Variants in TRMT11 observed in about 807,000 individuals in gnomAD.
TRMT11 encodes tRNA methyltransferase 11.
In TRMT11, 53 loss-of-function variants were observed where a neutral mutation model predicts 62.8. The observed-to-expected ratio is 0.84, with a 90% CI of 0.68 to 1.06. The LOEUF is 1.06. Among genes scored for constraint, TRMT11 ranks in the 50% least tolerant of loss-of-function variants. The pLI, the probability that TRMT11 is intolerant of heterozygous loss-of-function variation, is 0.00. For synonymous variants in TRMT11, 188 were observed against 190.3 expected, an observed-to-expected ratio of 0.99 and a Z score of 0.10; for missense variants, 556 against 553.4, an observed-to-expected ratio of 1.00 and a Z score of -0.05.
At chr6:126,033,275 G>A (rs1774548171) in intron 12 of TRMT11, among the ~76,000 whole-genome samples, 2 of 152,034 alleles carry the variant, frequency 1.3e-5, no homozygotes, top group South Asian at 4.2e-4. Flanking sequence ...ATAATCCAGA[G>A]GGTCATGAGT....
intron 21 of TRMT11, among the ~76,000 whole-genome samples, chr6:126,148,621 A>G (rs1055403064): frequency 7.2e-5 from 11 of 152,298 alleles, no homozygotes; most frequent in South Asian, 2.1e-4. Flanking sequence ...AGTAAAACTA[A>G]TAATAGTATT....
the TRMT11 span, among the ~76,000 whole-genome samples, chr6:126,261,105 T>C: frequency 6.6e-6 from 1 of 152,206 alleles, no homozygotes; most frequent in Non-Finnish European, 1.5e-5. Flanking sequence ...CCCCATAGGC[T>C]TTTTAAATTC....
Position 126,099,687 on chromosome 6 carries a change from C to T in TRMT11, c.*1438-13179C>T, listed in dbSNP as rs556653056. 4.6e-5 allele frequency among the ~76,000 whole-genome samples: 7 copies of T among 152,290 alleles called. No individual in the cohort carries two copies. The East Asian group carries it at 5.8e-4, about 13-fold the overall frequency. The stretch of plus-strand genomic sequence containing the variant: ...ACTTGTACAGGGGAGGCGGAAGTTG[C>T]GGTGAGCTGAGATCGTGCCACTGCA... On this transcript the variant is annotated intron_variant and NMD_transcript_variant, in intron 17 of 22. Coordinates refer to the TRMT11 transcript ENST00000648977.
At chr6:126,087,111 C>T (rs1230100993) in intron 17 of TRMT11, among the ~76,000 whole-genome samples, 1 of 152,168 alleles carries the variant, frequency 6.6e-6, no homozygotes, top group Non-Finnish European at 1.5e-5. Context: ...AGTTCACAAA[C>T]GTGGTCAAAT....
intron 17 of TRMT11, among the ~76,000 whole-genome samples, chr6:126,058,202 G>A (rs1776425829): frequency 1.3e-5 from 2 of 152,074 alleles, no homozygotes; most frequent in African/African-American, 4.8e-5. Flanking sequence ...GAGAACATGC[G>A]GTGTTTGGTT....
chr6:126,265,455 C>G, the TRMT11 span, among the ~76,000 whole-genome samples: 25 of 151,988 alleles, frequency 1.6e-4, no homozygotes, highest in African/African-American at 5.6e-4. Context: ...TTTAATTATT[C>G]AGTTTTCATT....
the TRMT11 span, among the ~76,000 whole-genome samples, chr6:126,232,066 C>G: frequency 1.2e-4 from 19 of 152,062 alleles, no homozygotes; most frequent in African/African-American, 4.6e-4. Context: ...TCTGGTGGGA[C>G]CCATACTGCT....
At chr6:126,265,917 T>C in the TRMT11 span, among the ~76,000 whole-genome samples, 1 of 152,220 alleles carries the variant, frequency 6.6e-6, no homozygotes. Context: ...CTATAATTTA[T>C]TGGCGTTGTC....
intron 17 of TRMT11, among the ~76,000 whole-genome samples, chr6:126,063,608 A>T (rs991081712): frequency 1.3e-5 from 2 of 152,206 alleles, no homozygotes; most frequent in African/African-American, 4.8e-5. Context: ...TCCCCTGGGG[A>T]TCTTGTGAAA....
At chr6:126,165,666 G>A (rs1383019571) in intron 21 of TRMT11, among the ~76,000 whole-genome samples, 2 of 152,112 alleles carry the variant, frequency 1.3e-5, no homozygotes, top group Non-Finnish European at 2.9e-5. Flanking sequence ...TAGTCTGATG[G>A]GCTTCCCTTT....
At chr6:126,262,362 TG>T in the TRMT11 span, among the ~76,000 whole-genome samples, 5 of 152,222 alleles carry the variant, frequency 3.3e-5, no homozygotes, top group Non-Finnish European at 5.9e-5. Flanking sequence ...CAGGTATACC[TG>T]TTCCCTTAGG....
At chr6:126,240,344 C>G in the TRMT11 span, among the ~76,000 whole-genome samples, 1 of 152,130 alleles carries the variant, frequency 6.6e-6, no homozygotes, top group Non-Finnish European at 1.5e-5. Flanking sequence ...GTGGTTTTAT[C>G]TACCTTTGGT....
intron 21 of TRMT11, among the ~76,000 whole-genome samples, chr6:126,142,880 G>A (rs929778258): frequency 6.6e-6 from 1 of 152,046 alleles, no homozygotes; most frequent in Non-Finnish European, 1.5e-5. Context: ...ACTGTAGAAT[G>A]AGAAGAAGTA....
rs78549231 is a variant in TRMT11 at position 126,015,586 on chromosome 6, A to G, written c.1139+2485A>G. On this transcript the variant is annotated intron_variant, in intron 11 of 12. Transcript: ENST00000334379. Reference sequence around the variant, plus strand: ...GTGCCCTCTTACCTCTATATATGTCATTGTATTTTTCAGAAACAAGAACAT... The same window carrying G: ...GTGCCCTCTTACCTCTATATATGTCGTTGTATTTTTCAGAAACAAGAACAT... Among the ~76,000 whole-genome samples, 756 of 152,134 alleles carry G rather than the reference A, an allele frequency of 5.0e-3. 17 individuals are homozygous for G. The East Asian group carries it at 0.066, about 13-fold the overall frequency.
the TRMT11 span, among the ~76,000 whole-genome samples, chr6:126,215,823 T>C: frequency 1.3e-5 from 2 of 152,088 alleles, no homozygotes; most frequent in Non-Finnish European, 2.9e-5. Flanking sequence ...TAATGACAAC[T>C]TAATGCTGAA....
chr6:126,076,706 T>G (rs1366735781), intron 17 of TRMT11, among the ~76,000 whole-genome samples: 1 of 152,210 alleles, frequency 6.6e-6, no homozygotes, highest in East Asian at 1.9e-4. Flanking sequence ...ATTGTTGCTT[T>G]TATGGTACAG....
At chr6:126,079,952 AT>A (rs1777122235) in intron 17 of TRMT11, among the ~76,000 whole-genome samples, 1 of 152,224 alleles carries the variant, frequency 6.6e-6, no homozygotes, top group Non-Finnish European at 1.5e-5. Context: ...AGCAGCAGAC[AT>A]ACTAGTGATC....
chr6:126,237,284 G>A, the TRMT11 span, among the ~76,000 whole-genome samples: 1 of 152,148 alleles, frequency 6.6e-6, no homozygotes, highest in Non-Finnish European at 1.5e-5. Flanking sequence ...CTAGGATCCA[G>A]GGAGGATTTG....
chr6:126,054,416 A>T (rs956852272), intron 17 of TRMT11, among the ~76,000 whole-genome samples: 1 of 152,150 alleles, frequency 6.6e-6, no homozygotes, highest in African/African-American at 2.4e-5. Flanking sequence ...GTGGTAAGAG[A>T]TTGCCCAGAT....
Sources: gnomAD v4.1 joint callset for allele counts (sites outside exome capture counted in the v4.1 genomes callset) on GRCh38, gnomAD v4.1.1 for gene constraint, MANE v1.5 for transcripts, NCBI Gene and HGNC (gene_info 2026-07-23, HGNC 2026-07-21) for gene names.